ABCA4: variants seen among roughly 807,000 people sequenced by gnomAD.
ABCA4 encodes the protein ATP binding cassette subfamily A member 4, also known as retinal-specific phospholipid-transporting ATPase ABCA4.
ABCA4 carries 196 observed loss-of-function variants against 263.7 expected under a neutral mutation model. The observed-to-expected ratio is 0.74, with a 90% CI of 0.66 to 0.84. The LOEUF is 0.84. Among genes scored for constraint, ABCA4 ranks in the 40% least tolerant of loss-of-function variants. The pLI is 0.00. For missense variants in ABCA4, 2,792 were observed against 2,855.1 expected (o/e 0.98, Z 0.50); for synonymous variants, 1,133 against 1,094.2 (o/e 1.04, Z -0.70).
chr1:94,088,337 G>T (rs989246376), intron 6 of ABCA4, among the ~76,000 whole-genome samples: 2 of 152,106 alleles, frequency 1.3e-5, no homozygotes, highest in African/African-American at 2.4e-5. Flanking sequence ...AAGTGCTGAG[G>T]TTCCCAAGGG....
At chr1:94,091,477 G>A (rs1661965295) in intron 6 of ABCA4, among the ~76,000 whole-genome samples, 1 of 151,812 alleles carries the variant, frequency 6.6e-6, no homozygotes, top group Non-Finnish European at 1.5e-5. Context: ...CACATGAATT[G>A]TTTCTGTCAA....
Position 94,103,841 on chromosome 1 carries a change from C to T in ABCA4, c.443-699G>A, listed in dbSNP as rs529053811. ...AGAAAGAGGAGAGCCAGGCACATGC[C>T]GGGGCTTGCCTGATGAGCCCTAGTC... On this transcript the variant is annotated intron_variant, in intron 4 of 49. Transcript: ENST00000370225. Among the ~76,000 whole-genome samples, 11 of 152,288 alleles carry T rather than the reference C, an allele frequency of 7.2e-5. No homozygotes were observed. In the South Asian group the frequency reaches 1.2e-3, roughly 17 times the overall value.
At chr1:94,036,984 T>A (rs1363364675) in intron 25 of ABCA4, among the ~76,000 whole-genome samples, 161 bp downstream of exon 25, 1 of 152,216 alleles carries the variant, frequency 6.6e-6, no homozygotes, top group African/African-American at 2.4e-5. Context: ...TTTGTATGCA[T>A]GCAGAGATGG....
intron 47 of ABCA4, among the ~76,000 whole-genome samples, chr1:93,998,676 T>G (rs1383930182): frequency 6.6e-6 from 1 of 152,070 alleles, no homozygotes; most frequent in African/African-American, 2.4e-5. Context: ...ATAATCGTAC[T>G]TGCTGAAGTC....
intron 11 of ABCA4, among the ~76,000 whole-genome samples, chr1:94,076,340 T>C (rs1490171294): frequency 2.6e-5 from 4 of 152,168 alleles, no homozygotes; most frequent in Non-Finnish European, 5.9e-5. Context: ...GGAGAGGGCC[T>C]GGCCAGAGAT....
Position 94,014,554 on chromosome 1 carries a change from C to G in ABCA4, c.5449G>C (p.Glu1817Gln). Residue 1817 changes from glutamate to glutamine, a missense_variant, in exon 38 of 50, where the codon GAG becomes CAG. Physicochemically the swap from Glu to Gln is conservative, Grantham distance 29 (BLOSUM62 2). Transcript: ENST00000370225. The part of the protein sequence containing the change: ...SAITFILELF[E>Q]NNRTLLRFNA... ...AAAGTTATGCTCACCCGGTTATTCT[C>G]AAATAATTCCAAGATGAAGGTAATA... 1 of 1,614,172 alleles carries G rather than the reference C, an allele frequency of 6.2e-7. No individual in the cohort carries two copies. Among genetic ancestry groups the G allele is most frequent in the East Asian group, 2.2e-5 (1 of 44,890 alleles).
At chr1:94,094,382 G>A (rs1005222272) in intron 6 of ABCA4, among the ~76,000 whole-genome samples, 4 of 152,058 alleles carry the variant, frequency 2.6e-5, no homozygotes, top group African/African-American at 9.7e-5. Flanking sequence ...TTTTCTTCCT[G>A]GAACTCAACG....
At chr1:94,006,257 C>G (rs1659381986) in intron 43 of ABCA4, among the ~76,000 whole-genome samples, 1 of 150,646 alleles carries the variant, frequency 6.6e-6, no homozygotes, top group East Asian at 1.9e-4. Context: ...TTACAGTTCC[C>G]CACAATGACA....
intron 1 of ABCA4, 75 bp downstream of exon 1, chr1:94,120,905 A>AG: frequency 6.8e-6 from 1 of 146,894 alleles, no homozygotes. Context: ...ACCCTACCCC[A>AG]CCACCCCACC....
At chr1:94,019,336 TAGAG>T in intron 36 of ABCA4, 1 of 505,168 alleles carries the variant, frequency 2.0e-6, no homozygotes, top group Non-Finnish European at 3.6e-6. Flanking sequence ...GTGCAGGACA[TAGAG>T]AGCCCCCGTT....
chr1:94,004,243 T>G (rs1659307033), intron 44 of ABCA4, among the ~76,000 whole-genome samples: 1 of 149,348 alleles, frequency 6.7e-6, no homozygotes, highest in Non-Finnish European at 1.5e-5. Context: ...AGCATATAAA[T>G]ATTCCTGAAT....
chr1:94,053,799 T>C (rs1464057149), intron 16 of ABCA4, among the ~76,000 whole-genome samples: 1 of 152,250 alleles, frequency 6.6e-6, no homozygotes. Context: ...ATGGCAGCCC[T>C]AGTAAATGAA....
At chr1:94,050,852 C>T (rs186356739) in intron 17 of ABCA4, among the ~76,000 whole-genome samples, 13 of 152,318 alleles carry the variant, frequency 8.5e-5, no homozygotes, top group Admixed American at 4.6e-4. Context: ...CAGGATAAGT[C>T]CTGGCCCAGG....
At chr1:93,996,512 A>C (rs796533287) in intron 48 of ABCA4, among the ~76,000 whole-genome samples, 56 of 152,288 alleles carry the variant, frequency 3.7e-4, no homozygotes, top group African/African-American at 1.2e-3. Context: ...ATAACTAAAA[A>C]AAAAGGTAAT....
At chr1:94,111,802 G>A (rs1175926196) in intron 2 of ABCA4, among the ~76,000 whole-genome samples, 3 of 152,190 alleles carry the variant, frequency 2.0e-5, no homozygotes, top group South Asian at 2.1e-4. Context: ...GGAGACAGAC[G>A]GATGTTGTAA....
At chr1:94,111,787 A>G (rs998177398) in intron 2 of ABCA4, among the ~76,000 whole-genome samples, 8 of 152,098 alleles carry the variant, frequency 5.3e-5, no homozygotes, top group Non-Finnish European at 1.2e-4. Context: ...CTCCCGGTGT[A>G]GTGGGGAGAC....
chr1:94,044,094 T>TCCCCTCCCTCCCTCGC (rs1557779024), intron 20 of ABCA4, among the ~76,000 whole-genome samples: 16 of 12,162 alleles, frequency 1.3e-3, no homozygotes, highest in Middle Eastern at 0.056. Context: ...CCCTCCCTTC[T>TCCCCTCCCTCCCTCGC]TTCCTTCCTT....
intron 17 of ABCA4, 134 bp downstream of exon 17, chr1:94,051,494 GGCAGA>G: frequency 1.3e-6 from 1 of 784,568 alleles, no homozygotes; most frequent in Non-Finnish European, 2.2e-6. Flanking sequence ...CCCATCAAGG[GGCAGA>G]GCCCCAGGAG....
rs111746122 is a variant in ABCA4, at chr1:94,026,715, G to A, written c.4540-1667C>T. 5.4e-4 allele frequency among the ~76,000 whole-genome samples: 83 copies of A among 152,364 alleles called. 1 individual carries two copies. Among genetic ancestry groups the A allele is most frequent in the Middle Eastern group, 3.4e-3 (1 of 294 alleles). On this transcript the variant is annotated intron_variant, in intron 30 of 49. Transcript: ENST00000370225. Reference sequence around the variant, plus strand: ...CCACATATACTAGAAGTCAGGGACAGAGTGCTTCCACCTCAGGACCCACCA... The same window carrying A: ...CCACATATACTAGAAGTCAGGGACAAAGTGCTTCCACCTCAGGACCCACCA...
Sources: allele counts gnomAD v4.1 joint callset (sites outside exome capture counted in the v4.1 genomes callset), GRCh38; gene constraint gnomAD v4.1.1; transcripts MANE v1.5; gene names NCBI Gene and HGNC (gene_info 2026-07-23, HGNC 2026-07-21).